Variants in DNAH12 observed in about 807,000 individuals in gnomAD.
DNAH12 encodes the protein dynein axonemal heavy chain 12, also known as axonemal beta dynein heavy chain 12.
A neutral mutation model predicts 371.5 loss-of-function variants in DNAH12; 285 were observed. The observed-to-expected ratio is 0.77, with a 90% confidence interval of 0.70 to 0.85. The LOEUF is 0.85. DNAH12 is among the 40% of genes least tolerant of loss of function. The pLI, the probability that DNAH12 is intolerant of heterozygous loss-of-function variation, is 0.00. For missense variants in DNAH12, 3,611 were observed against 3,689.4 expected, an observed-to-expected ratio of 0.98 and a Z score of 0.55; for synonymous variants, 1,200 against 1,213.0, an observed-to-expected ratio of 0.99 and a Z score of 0.22.
chr3:57,542,767 G>A lies in DNAH12; in HGVS notation c.104C>T (p.Pro35Leu), dbSNP rs775714413. The A allele has an allele frequency of 3.7e-6, 6 of 1,612,062 alleles. No homozygotes were observed. Among genetic ancestry groups the A allele is most frequent in the Non-Finnish European group, 5.1e-6 (6 of 1,179,214 alleles). ...HLPENIGVDTPTQSKLLKYRR... is the reference protein window; with the variant it reads ...HLPENIGVDTLTQSKLLKYRR... ...GTATTTTAGCAGCTTACTTTGTGTT[G>A]GTGTATCAACGCCTATGTTTTCTGG... is the stretch of plus-strand genomic sequence containing the variant. The change falls in exon 2 of 74, where the codon CCA becomes CTA. Residue 35 changes from proline to leucine, a missense_variant. Around this residue, in one of 3 missense-constraint regions of DNAH12, gnomAD observed 1,314 missense variants for 1,398.7 expected, o/e 0.94. Coordinates refer to ENST00000495027, the MANE Select transcript of DNAH12 (RefSeq NM_001366028.2).
chr3:57,438,718 C>T (rs1167614443), intron 29 of DNAH12, among the ~76,000 whole-genome samples: 2 of 151,832 alleles, frequency 1.3e-5, no homozygotes, highest in Non-Finnish European at 2.9e-5. Context: ...TTTGGGAGGC[C>T]GAGGTGGGTG....
At chr3:57,503,536 G>A (rs781559885) in intron 9 of DNAH12, among the ~76,000 whole-genome samples, 17 of 151,618 alleles carry the variant, frequency 1.1e-4, no homozygotes, top group East Asian at 1.9e-4. Context: ...GTACAGGCAC[G>A]CGCCACCATG....
Position 57,433,447 on chromosome 3 carries a change from G to C in DNAH12, c.4900C>G (p.Arg1634Gly), listed in dbSNP as rs979754741. The stretch of plus-strand genomic sequence containing the variant: ...GGACCATCAAATACAACCCATTTCC[G>C]GTCAGGTGTTTCTGATAAGGCAAAT... ...REFALSETPD[R>G]KWVVFDGPID... Residue 1634 changes from arginine (R) to glycine (G), a missense_variant, in exon 32 of 74, where the codon CGG becomes GGG. This residue lies in a region of DNAH12 where 2,266 missense variants were observed against 2,236.9 expected (regional missense o/e 1.01). Transcript: ENST00000495027. 1 of 1,551,294 alleles carries C rather than the reference G, an allele frequency of 6.4e-7. No individual in the cohort carries two copies. Among genetic ancestry groups the C allele is most frequent in the East Asian group, 2.4e-5 (1 of 40,896 alleles).
intron 69 of DNAH12, among the ~76,000 whole-genome samples, chr3:57,306,146 G>A (rs1031838887): frequency 1.3e-5 from 2 of 152,084 alleles, no homozygotes; most frequent in African/African-American, 2.4e-5. Context: ...TCCGCTTAGC[G>A]GCTGAAGACT....
At chr3:57,511,761 A>T (rs956455490) in intron 4 of DNAH12, among the ~76,000 whole-genome samples, 3 of 152,192 alleles carry the variant, frequency 2.0e-5, no homozygotes, top group African/African-American at 7.2e-5. Context: ...GTCCAAAAAT[A>T]CACCAGTATA....
chr3:57,340,828 C>T (rs938890693), intron 60 of DNAH12, among the ~76,000 whole-genome samples: 1 of 152,072 alleles, frequency 6.6e-6, no homozygotes, highest in Non-Finnish European at 1.5e-5. Flanking sequence ...AACCCTGACG[C>T]CAAAACCAGA....
Position 57,309,739 on chromosome 3 carries a change from C to T in DNAH12, c.11012G>A (p.Gly3671Asp). The T allele has an allele frequency of 6.4e-7, 1 of 1,550,850 alleles. No individual in the cohort carries two copies. The highest frequency in any genetic ancestry group is 2.4e-5 in the East Asian group (1 of 40,888). Reference protein sequence around the residue: ...LFESLLLTQGGSKQTGASGST... With the variant: ...LFESLLLTQGDSKQTGASGST... ...TCCTGAGGCTCCTGTCTGTTTGGAG[C>T]CTCCCTGGGTGAGGAGCAAGGACTC... is the stretch of plus-strand genomic sequence containing the variant. Residue 3671 changes from glycine to aspartate, a missense_variant, in exon 68 of 74, where the codon GGC (glycine) becomes GAC (aspartate). Transcript: ENST00000495027.
chr3:57,321,481 C>T (rs539554567), intron 65 of DNAH12, among the ~76,000 whole-genome samples: 17 of 152,204 alleles, frequency 1.1e-4, no homozygotes, highest in East Asian at 1.9e-4. Flanking sequence ...TAATGTAACA[C>T]GCTGGACTTT....
At chr3:57,457,038 T>C (rs564535661) in intron 22 of DNAH12, among the ~76,000 whole-genome samples, 1 of 152,306 alleles carries the variant, frequency 6.6e-6, no homozygotes, top group Non-Finnish European at 1.5e-5. Flanking sequence ...TTTTTGAAAC[T>C]GAATCTCTGG....
intron 4 of DNAH12, among the ~76,000 whole-genome samples, chr3:57,512,161 TCAGA>T: frequency 6.6e-6 from 1 of 152,230 alleles, no homozygotes; most frequent in South Asian, 2.1e-4. Context: ...AACATACATC[TCAGA>T]CAAAGTGTAA....
At chr3:57,361,726 G>A (rs1367860530) in intron 58 of DNAH12, among the ~76,000 whole-genome samples, 5 of 151,442 alleles carry the variant, frequency 3.3e-5, no homozygotes, top group African/African-American at 1.2e-4. Context: ...CAATTTTCCA[G>A]AGAAGAGTCA....
intron 35 of DNAH12, among the ~76,000 whole-genome samples, chr3:57,424,090 C>T (rs1559643102): frequency 6.6e-6 from 1 of 152,148 alleles, no homozygotes; most frequent in Admixed American, 6.5e-5. Flanking sequence ...GCTGGCTTAA[C>T]ATTAATTAAT....
chr3:57,323,003 A>G lies in DNAH12; in HGVS notation c.10383+4T>C. The stretch of plus-strand genomic sequence containing the variant: ...TACTTAACTCTATAAGGAAATAAAC[A>G]TACTTTTGAAGATGGATAGCTTGTC... On this transcript the variant is annotated splice_donor_region_variant and intron_variant, in intron 64 of 73. Transcript: ENST00000495027. The G allele has an allele frequency of 2.6e-6, 4 of 1,551,588 alleles. No homozygotes were observed. The highest frequency in any genetic ancestry group is 1.4e-5 in the African/African-American group (1 of 73,128).
At chr3:57,486,406 T>C (rs2066925289) in intron 12 of DNAH12, among the ~76,000 whole-genome samples, 1 of 151,482 alleles carries the variant, frequency 6.6e-6, no homozygotes, top group Non-Finnish European at 1.5e-5. Context: ...CATGTCTCTA[T>C]TAAATTTTTT....
In DNAH12 at chr3:57,473,302, C is replaced by T. The variant is rs773702629; in HGVS notation, c.1651-631G>A. On this transcript the variant is annotated intron_variant, in intron 13 of 73. Transcript: ENST00000495027. The stretch of plus-strand genomic sequence containing the variant: ...AGGAGTTAGAGACCAGCCTGGCCAA[C>T]GTGACGAACCCCCATCTCTACTAAA... Among the ~76,000 whole-genome samples, 11 of 152,104 alleles carry T rather than the reference C, an allele frequency of 7.2e-5. No homozygotes were observed. The East Asian group carries it at 7.7e-4, about 11-fold the overall frequency.
At chr3:57,479,094 T>C (rs1442356056) in intron 13 of DNAH12, among the ~76,000 whole-genome samples, 2 of 151,970 alleles carry the variant, frequency 1.3e-5, no homozygotes, top group Non-Finnish European at 2.9e-5. Flanking sequence ...TAAATATAAA[T>C]GGGCTAAATG....
chr3:57,330,019 T>C (rs1575461305), intron 62 of DNAH12, among the ~76,000 whole-genome samples: 1 of 151,638 alleles, frequency 6.6e-6, no homozygotes, highest in African/African-American at 2.4e-5. Flanking sequence ...TGAGATATCA[T>C]CTCATACCAG....
At chr3:57,372,741 A>T (rs2063201447) in intron 55 of DNAH12, among the ~76,000 whole-genome samples, 1 of 152,170 alleles carries the variant, frequency 6.6e-6, no homozygotes. Context: ...AAATGGAATC[A>T]TAAAAAACAA....
chr3:57,305,639 C>T (rs561159263), intron 69 of DNAH12, among the ~76,000 whole-genome samples: 2 of 152,222 alleles, frequency 1.3e-5, no homozygotes, highest in East Asian at 1.9e-4. Context: ...ACTCATTTGG[C>T]GGCAACCCTG....
Sources: gnomAD v4.1 joint callset for allele counts (sites outside exome capture counted in the v4.1 genomes callset) on GRCh38, gnomAD v4.1.1 for gene constraint, gnomAD v4.1.1 regional missense constraint, MANE v1.5 for transcripts, NCBI Gene and HGNC (gene_info 2026-07-23, HGNC 2026-07-21) for gene names.